ESRRG: variants seen among roughly 807,000 people sequenced by gnomAD.
The protein encoded by ESRRG is estrogen related receptor gamma, also known as estrogen-related receptor gamma.
In ESRRG, 13 loss-of-function variants were observed where a neutral mutation model predicts 44.0. The observed-to-expected ratio is 0.30, with a 90% CI of 0.19 to 0.47. The LOEUF is 0.47. Ranked by LOEUF, ESRRG falls within the 20% of genes least tolerant of loss-of-function variation. The pLI, the probability that ESRRG is intolerant of heterozygous loss-of-function variation, is 1.00. For synonymous variants in ESRRG, 215 were observed against 214.6 expected (o/e 1.00, Z -0.02); for missense variants, 395 against 580.6 (o/e 0.68, Z 3.29).
chr1:217,018,355 C>T (rs2079752803), intron 1 of ESRRG, among the ~76,000 whole-genome samples: 1 of 152,174 alleles, frequency 6.6e-6, no homozygotes, highest in Non-Finnish European at 1.5e-5. Flanking sequence ...CGTTTCCCTC[C>T]AACCCATCCT....
At chr1:216,660,798 T>C (rs1471755985) in intron 2 of ESRRG, among the ~76,000 whole-genome samples, 5 of 152,122 alleles carry the variant, frequency 3.3e-5, no homozygotes, top group African/African-American at 1.2e-4. Flanking sequence ...GAGAACGGAA[T>C]CTCTCAACAC....
chr1:216,916,464 T>G (rs569916803), intron 2 of ESRRG, among the ~76,000 whole-genome samples: 1 of 152,320 alleles, frequency 6.6e-6, no homozygotes, highest in South Asian at 2.1e-4. Context: ...TAATTCTAAA[T>G]AAAGTCAATA....
chr1:216,838,267 T>C (rs2095599099), intron 2 of ESRRG, among the ~76,000 whole-genome samples: 1 of 152,178 alleles, frequency 6.6e-6, no homozygotes, highest in Admixed American at 6.5e-5. Context: ...GGTTCTCACG[T>C]TGATAATGAT....
chr1:216,554,695 CAGTT>C (rs2057154611), intron 5 of ESRRG, among the ~76,000 whole-genome samples: 1 of 151,994 alleles, frequency 6.6e-6, no homozygotes, highest in Non-Finnish European at 1.5e-5. Context: ...CTTTTGCTGT[CAGTT>C]AGTACAACTT....
intron 2 of ESRRG, among the ~76,000 whole-genome samples, chr1:216,910,594 G>T (rs924084221): frequency 1.3e-5 from 2 of 152,098 alleles, no homozygotes; most frequent in African/African-American, 4.8e-5. Context: ...TAAAAATTTG[G>T]CATTTCTAAT....
intron 1 of ESRRG, among the ~76,000 whole-genome samples, chr1:216,988,762 C>T (rs2075256230): frequency 6.6e-6 from 1 of 152,180 alleles, no homozygotes; most frequent in Admixed American, 6.5e-5. Flanking sequence ...TCATGCCTTT[C>T]AGACAGCAGC....
chr1:216,507,107 T>C lies in ESRRG; in HGVS notation c.1209A>G (p.Glu403=). The change falls in exon 7 of 7, where the codon GAA becomes GAG. Residue 403 remains glutamate (E), a synonymous_variant. Coordinates refer to ENST00000408911, the MANE Select transcript of ESRRG (RefSeq NM_001438.4). Reference sequence around the variant, plus strand: ...GAGGGTCTTCCATGTGCTGGCCAGCTTCATAATCCTGCAGCGCTTCATGTA... The same window carrying C: ...GAGGGTCTTCCATGTGCTGGCCAGCCTCATAATCCTGCAGCGCTTCATGTA... The part of the protein sequence containing the change: ...DVLHEALQDY[E]AGQHMEDPRR... 6.2e-7 allele frequency: 1 copy of C among 1,614,004 alleles called. No individual in the cohort carries two copies. Among genetic ancestry groups the C allele is most frequent in the Non-Finnish European group, 8.5e-7 (1 of 1,180,014 alleles).
At chr1:216,811,596 T>C (rs1559729340) in intron 2 of ESRRG, among the ~76,000 whole-genome samples, 1 of 152,158 alleles carries the variant, frequency 6.6e-6, no homozygotes, top group Non-Finnish European at 1.5e-5. Flanking sequence ...CTCCAATTGG[T>C]TGAATTTCAA....
At chr1:216,563,827 G>A (rs1012920635) in intron 5 of ESRRG, among the ~76,000 whole-genome samples, 14 of 152,254 alleles carry the variant, frequency 9.2e-5, no homozygotes, top group African/African-American at 3.1e-4. Flanking sequence ...CAAAACTAGT[G>A]ATTCTTAGTT....
chr1:216,976,074 A>T (rs2072815596), intron 1 of ESRRG, among the ~76,000 whole-genome samples: 1 of 152,166 alleles, frequency 6.6e-6, no homozygotes, highest in Non-Finnish European at 1.5e-5. Flanking sequence ...CTAACACCTA[A>T]TAGAAACTTC....
At chr1:216,534,136 G>T (rs562241711) in intron 5 of ESRRG, among the ~76,000 whole-genome samples, 1 of 152,130 alleles carries the variant, frequency 6.6e-6, no homozygotes, top group Non-Finnish European at 1.5e-5. Context: ...AGAGGAGAGA[G>T]GATGAGACAC....
intron 1 of ESRRG, among the ~76,000 whole-genome samples, chr1:216,698,428 A>C (rs1433608941): frequency 1.3e-5 from 2 of 150,858 alleles, no homozygotes; most frequent in African/African-American, 4.9e-5. Flanking sequence ...CTGAAGCAGG[A>C]GAACGGCGTG....
At chr1:216,515,353 C>A (rs1314673462) in intron 6 of ESRRG, among the ~76,000 whole-genome samples, 1 of 151,824 alleles carries the variant, frequency 6.6e-6, no homozygotes, top group Non-Finnish European at 1.5e-5. Context: ...ATTAGGAAAA[C>A]CATATCTAAA....
chr1:216,864,217 C>T (rs911408364), intron 2 of ESRRG: 1 of 151,834 alleles, frequency 6.6e-6, no homozygotes, highest in Non-Finnish European at 1.5e-5. Context: ...GATTGAATCA[C>T]AGGACAAATC....
At chr1:217,093,737 C>A (rs1019651053), upstream of ESRRG, among the ~76,000 whole-genome samples, 1 of 151,384 alleles carries the variant, frequency 6.6e-6, no homozygotes, top group African/African-American at 2.4e-5. Flanking sequence ...AAGCGGTGAT[C>A]GCACCACTGC....
chr1:216,963,515 C>A (rs1024853927), intron 1 of ESRRG, among the ~76,000 whole-genome samples: 2 of 152,104 alleles, frequency 1.3e-5, no homozygotes, highest in Non-Finnish European at 2.9e-5. Flanking sequence ...AGTCAAGCCA[C>A]GTAATTCTAG....
At chr1:216,811,643 G>A (rs959519033) in intron 2 of ESRRG, among the ~76,000 whole-genome samples, 2 of 152,164 alleles carry the variant, frequency 1.3e-5, no homozygotes, top group African/African-American at 2.4e-5. Flanking sequence ...GTCAGCAGAA[G>A]TGAGTTCTTA....
At chr1:216,562,623 C>A (rs1182693412) in intron 5 of ESRRG, among the ~76,000 whole-genome samples, 2 of 152,016 alleles carry the variant, frequency 1.3e-5, no homozygotes, top group Non-Finnish European at 2.9e-5. Context: ...AAACCTCCTA[C>A]AATGAACAAG....
chr1:216,658,961 T>G (rs2071516044), intron 2 of ESRRG, among the ~76,000 whole-genome samples: 1 of 151,188 alleles, frequency 6.6e-6, no homozygotes, highest in African/African-American at 2.4e-5. Flanking sequence ...AAACCTAGGT[T>G]CAAGTTCCAG....
Sources: gnomAD v4.1 joint callset for allele counts (sites outside exome capture counted in the v4.1 genomes callset) on GRCh38, gnomAD v4.1.1 for gene constraint, MANE v1.5 for transcripts, NCBI Gene and HGNC (gene_info 2026-07-23, HGNC 2026-07-21) for gene names.